IGF1: variants seen among roughly 807,000 people sequenced by gnomAD.
IGF1 encodes insulin-like growth factor 1.
IGF1 carries 4 observed loss-of-function variants against 13.8 expected under a neutral mutation model. The observed-to-expected ratio is 0.29, with a 90% CI of 0.14 to 0.66. The LOEUF is 0.66. IGF1 is among the 30% of genes least tolerant of loss of function. The pLI, the probability that IGF1 is intolerant of heterozygous loss-of-function variation, is 0.78. For missense variants in IGF1, 124 were observed against 188.5 expected (o/e 0.66, Z 2.00); for synonymous variants, 76 against 72.6 (o/e 1.05, Z -0.23).
chr12:102,481,489 G>A (rs1407477636), upstream of IGF1, among the ~76,000 whole-genome samples: 1 of 151,882 alleles, frequency 6.6e-6, no homozygotes, highest in Non-Finnish European at 1.5e-5. Flanking sequence ...CGAGGGTTAT[G>A]ATGTCATTCA....
chr12:102,474,148 C>T (rs1880865934), intron 2 of IGF1, among the ~76,000 whole-genome samples: 1 of 152,138 alleles, frequency 6.6e-6, no homozygotes, highest in Non-Finnish European at 1.5e-5. Flanking sequence ...AATTATGACC[C>T]ACTGTTGGAT....
intron 2 of IGF1, among the ~76,000 whole-genome samples, chr12:102,468,133 C>T (rs950073312): frequency 2.0e-5 from 3 of 152,146 alleles, no homozygotes; most frequent in African/African-American, 7.2e-5. Flanking sequence ...GTATTTCCTC[C>T]CCTCTTTTTG....
At chr12:102,459,972 A>C (rs1054327900) in intron 2 of IGF1, among the ~76,000 whole-genome samples, 1 of 152,200 alleles carries the variant, frequency 6.6e-6, no homozygotes, top group African/African-American at 2.4e-5. Flanking sequence ...GCATATTTGG[A>C]GCAGGAGTGG....
intron 2 of IGF1, among the ~76,000 whole-genome samples, chr12:102,433,630 T>A (rs1019432462): frequency 4.6e-5 from 7 of 152,162 alleles, no homozygotes; most frequent in African/African-American, 1.7e-4. Flanking sequence ...ATTTTGAGCA[T>A]CTCGAGGGCA....
intron 2 of IGF1, among the ~76,000 whole-genome samples, chr12:102,441,957 T>TTCTCCTTCTCCTTCTCC (rs1555244179): frequency 7.4e-6 from 1 of 134,680 alleles, no homozygotes; most frequent in Non-Finnish European, 1.6e-5. Context: ...TTCTTCTTCT[T>TTCTCCTTCTCCTTCTCC]TTTTTTTTTT....
chr12:102,457,273 G>A (rs1190680892), intron 2 of IGF1, among the ~76,000 whole-genome samples: 2 of 152,154 alleles, frequency 1.3e-5, no homozygotes, highest in African/African-American at 4.8e-5. Flanking sequence ...TCTGTTTTGA[G>A]GAATCCTCAT....
rs1423930988 is a variant in IGF1 at position 102,397,150 on chromosome 12, C to T, written c.*5357G>A. On this transcript the variant is annotated 3_prime_UTR_variant, in exon 4 of 4. Transcript: ENST00000337514. ...CCAGGAGGTGGAGGTTGCAGTGAGC[C>T]GAGATCATGCCACTGCACTCCAGCC... The T allele has an allele frequency of 1.2e-5, 3 of 259,700 alleles. No individual in the cohort carries two copies. The highest frequency in any genetic ancestry group is 1.7e-4 in the South Asian group (1 of 5,744). 16.1% of individuals were successfully genotyped at this position (259,700 alleles called of 1,614,324 possible). A position where few individuals can be genotyped will look rare whatever the true frequency, so the allele number is the denominator to read the frequency against.
At chr12:102,476,445 C>G (rs1158737469) in intron 1 of IGF1, among the ~76,000 whole-genome samples, 47 of 102,210 alleles carry the variant, frequency 4.6e-4, no homozygotes, top group Middle Eastern at 4.6e-3. Context: ...GAGAGAGAGA[C>G]TGATTCCTTA....
At chr12:102,478,510 G>T in intron 1 of IGF1, 1 of 1,610,902 alleles carries the variant, frequency 6.2e-7, no homozygotes, top group Non-Finnish European at 8.5e-7. Context: ...ATTTTTGTTT[G>T]TTCCAGGTCT....
At chr12:102,408,718 A>G (rs1018738382) in intron 3 of IGF1, among the ~76,000 whole-genome samples, 2 of 152,152 alleles carry the variant, frequency 1.3e-5, no homozygotes, top group Admixed American at 6.5e-5. Context: ...AGGCAGACCT[A>G]TTTCTGAGAA....
chr12:102,407,094 CAAAAAAAAAAAAAAAAAAAAAA>C (rs57468885), intron 3 of IGF1, among the ~76,000 whole-genome samples: 13 of 100,988 alleles, frequency 1.3e-4, no homozygotes, highest in South Asian at 6.4e-4. Flanking sequence ...ACTCTGTCTC[CAAAAAAAAAAAAAAAAAAAAAA>C]AAAAAAAAAA....
intron 2 of IGF1, among the ~76,000 whole-genome samples, chr12:102,467,746 T>G (rs1343548363): frequency 1.3e-5 from 2 of 152,236 alleles, no homozygotes; most frequent in Non-Finnish European, 2.9e-5. Context: ...TTGGTCATTT[T>G]AATTTACCAG....
intron 2 of IGF1, among the ~76,000 whole-genome samples, chr12:102,448,095 C>T (rs1170405608): frequency 1.5e-4 from 3 of 20,318 alleles, no homozygotes; most frequent in Admixed American, 5.6e-4. Context: ...TCTCATGGGA[C>T]TGTAAACTAG....
Position 102,398,086 on chromosome 12 carries a change from T to TAAAAAAAAAAAAAAA in IGF1, c.*4406_*4420dup, listed in dbSNP as rs71303538. On this transcript the variant is annotated 3_prime_UTR_variant, in exon 4 of 4. Transcript: ENST00000337514. ...AGAAATTCATAAAGACTGTATAAAG[T>TAAAAAAAAAAAAAAA]AAAAAAAAAAAAAAAACAAAAACAA... 2.4e-5 allele frequency: 3 copies of TAAAAAAAAAAAAAAA among 126,768 alleles called. No homozygotes were observed. The highest frequency in any genetic ancestry group is 2.2e-4 in the East Asian group (1 of 4,482). 7.9% of individuals were successfully genotyped at this position (126,768 alleles called of 1,614,324 possible). A position where few individuals can be genotyped will look rare whatever the true frequency, so the allele number is the denominator to read the frequency against.
At chr12:102,472,293 T>A (rs1327013542) in intron 2 of IGF1, among the ~76,000 whole-genome samples, 1 of 152,122 alleles carries the variant, frequency 6.6e-6, no homozygotes, top group East Asian at 1.9e-4. Flanking sequence ...ATCTAGAAGG[T>A]TGCTTTCACT....
At position 102,401,953 on chromosome 12, in the gene IGF1, T is replaced by C. The variant is rs1873714018; in HGVS notation, c.*554A>G. 1 of 152,704 alleles carries C rather than the reference T, an allele frequency of 6.5e-6. No individual in the cohort carries two copies. The highest frequency in any genetic ancestry group is 1.5e-5 in the Non-Finnish European group (1 of 68,080). 9.5% of individuals were successfully genotyped at this position (152,704 alleles called of 1,614,324 possible). A position where few individuals can be genotyped will look rare whatever the true frequency, so the allele number is the denominator to read the frequency against. On this transcript the variant is annotated 3_prime_UTR_variant, in exon 4 of 4. Coordinates refer to ENST00000337514, the MANE Select transcript of IGF1 (RefSeq NM_000618.5). ...TGTGGGTTAGAATTGGTGTGCTTCT[T>C]GACGACTTGCTGCTGCTTTTGAGGA...
chr12:102,447,357 T>A (rs1362981851), intron 2 of IGF1, among the ~76,000 whole-genome samples: 3 of 152,198 alleles, frequency 2.0e-5, no homozygotes, highest in Non-Finnish European at 4.4e-5. Context: ...TGTGTGGGAC[T>A]CTAAGTCTCT....
rs183326374 is a variant in IGF1, at chr12:102,469,776, A to G, written c.220+5867T>C. ...GAACCATTCAGTGGGGTAAGTTACA[A>G]AATGTTCATGTCTCACATTTCTCAT... On this transcript the variant is annotated intron_variant, in intron 2 of 3. Transcript: ENST00000337514. Among the ~76,000 whole-genome samples the G allele has an allele frequency of 7.2e-5, 11 of 152,264 alleles. No individual in the cohort carries two copies. The East Asian group carries it at 2.1e-3, about 29-fold the overall frequency.
At chr12:102,423,535 C>A (rs1291592031) in intron 2 of IGF1, among the ~76,000 whole-genome samples, 1 of 152,152 alleles carries the variant, frequency 6.6e-6, no homozygotes, top group African/African-American at 2.4e-5. Flanking sequence ...TTGGCCACCA[C>A]CTATCCTAGA....
Sources: gnomAD v4.1 joint callset for allele counts (sites outside exome capture counted in the v4.1 genomes callset) on GRCh38, gnomAD v4.1.1 for gene constraint, MANE v1.5 for transcripts, NCBI Gene and HGNC (gene_info 2026-07-23, HGNC 2026-07-21) for gene names.